Variants in CDYL2 observed in about 807,000 individuals in gnomAD.
The protein encoded by CDYL2 is chromodomain Y like 2.
A neutral mutation model predicts 49.4 loss-of-function variants in CDYL2; 23 were observed. The ratio of observed to expected loss-of-function variants is 0.47; its 90% CI spans 0.34 to 0.66. CDYL2 has a LOEUF of 0.66. CDYL2 is among the 30% of genes least tolerant of loss of function. The pLI is 0.01. For missense variants in CDYL2, 678 were observed against 656.4 expected (o/e 1.03, Z -0.36); for synonymous variants, 360 against 268.8 (o/e 1.34, Z -3.32).
chr16:80,717,803 C>G (rs901129362), intron 1 of CDYL2, among the ~76,000 whole-genome samples: 1 of 152,160 alleles, frequency 6.6e-6, no homozygotes, highest in African/African-American at 2.4e-5. Context: ...AATACTGAAG[C>G]CAGGAGGACT....
At chr16:80,650,355 T>C (rs965627233) in intron 2 of CDYL2, among the ~76,000 whole-genome samples, 4 of 152,194 alleles carry the variant, frequency 2.6e-5, no homozygotes, top group Non-Finnish European at 4.4e-5. Context: ...AACAGGGATA[T>C]GAAAAGGTGC....
chr16:80,793,860 A>C (rs1175540411), intron 1 of CDYL2, among the ~76,000 whole-genome samples: 2 of 152,110 alleles, frequency 1.3e-5, no homozygotes, highest in Non-Finnish European at 2.9e-5. Context: ...TAATAGCAAA[A>C]TTTTTTAATG....
At chr16:80,654,094 C>A (rs1313985101) in intron 2 of CDYL2, among the ~76,000 whole-genome samples, 1 of 152,198 alleles carries the variant, frequency 6.6e-6, no homozygotes, top group African/African-American at 2.4e-5. Flanking sequence ...CCACATCTCA[C>A]GATGACTCTG....
Position 80,684,784 on chromosome 16 carries a change from G to C in CDYL2, c.370C>G (p.Pro124Ala). The change falls in exon 2 of 7, where the codon CCC becomes GCC. Residue 124 changes from proline (P) to alanine (A), a missense_variant. This residue lies in a region of CDYL2 where 478 missense variants were observed against 427.0 expected (regional missense o/e 1.12). Transcript: ENST00000570137. The part of the protein sequence containing the change: ...AKPKKGYSGK[P>A]SSGGDRATKT... ...GTGGCCCTGTCACCTCCTGAAGAGG[G>C]CTTGCCTGAATACCCTTTTTTTGGC... The C allele has an allele frequency of 6.2e-7, 1 of 1,614,210 alleles. No individual in the cohort carries two copies. The highest frequency in any genetic ancestry group is 1.6e-4 in the Middle Eastern group (1 of 6,062).
intron 1 of CDYL2, among the ~76,000 whole-genome samples, chr16:80,706,378 C>T (rs1904404671): frequency 6.6e-6 from 1 of 152,124 alleles, no homozygotes; most frequent in African/African-American, 2.4e-5. Context: ...CTCAAGCTCT[C>T]GGAAACAAGA....
chr16:80,626,491 G>A (rs28484999), intron 3 of CDYL2, among the ~76,000 whole-genome samples: 24,786 of 152,036 alleles, frequency 0.16, 6,521 homozygotes, highest in African/African-American at 0.56. Context: ...GGTGGAGGTA[G>A]TTACTCTTAG....
At chr16:80,676,003 T>C (rs2142459487) in intron 2 of CDYL2, among the ~76,000 whole-genome samples, 1 of 152,268 alleles carries the variant, frequency 6.6e-6, no homozygotes. Context: ...CATCCTCTTC[T>C]GGGCACCAAA....
chr16:80,780,627 G>T (rs1485203288), intron 1 of CDYL2, among the ~76,000 whole-genome samples: 1 of 151,904 alleles, frequency 6.6e-6, no homozygotes, highest in Non-Finnish European at 1.5e-5. Context: ...GGATGGTCTT[G>T]ATCTCCTGAC....
intron 2 of CDYL2, among the ~76,000 whole-genome samples, chr16:80,646,132 A>C (rs1490700474): frequency 6.6e-6 from 1 of 152,106 alleles, no homozygotes; most frequent in Non-Finnish European, 1.5e-5. Flanking sequence ...CCTAGAACTT[A>C]AAGTATAATT....
At chr16:80,678,002 A>C (rs948330503) in intron 2 of CDYL2, among the ~76,000 whole-genome samples, 7 of 151,912 alleles carry the variant, frequency 4.6e-5, no homozygotes, top group South Asian at 2.1e-4. Flanking sequence ...GAAAAACAAG[A>C]AATGGGGAAA....
At chr16:80,754,374 C>G (rs937489207) in intron 1 of CDYL2, among the ~76,000 whole-genome samples, 1 of 152,122 alleles carries the variant, frequency 6.6e-6, no homozygotes, top group Admixed American at 6.5e-5. Context: ...TTGGAACAAA[C>G]AGAGATTAAG....
intron 6 of CDYL2, among the ~76,000 whole-genome samples, chr16:80,607,134 T>C (rs6564768): frequency 0.38 from 57,395 of 151,696 alleles, 11,341 homozygotes; most frequent in African/African-American, 0.46. Context: ...TCAGAAATGC[T>C]CGTGGCCCGC....
In CDYL2 at chr16:80,698,933, G is replaced by A. The variant is rs139493408; in HGVS notation, c.25-13804C>T. Among the ~76,000 whole-genome samples the A allele has an allele frequency of 2.2e-3, 330 of 152,086 alleles. 1 individual carries two copies. Among genetic ancestry groups the A allele is most frequent in the South Asian group, 4.8e-3 (23 of 4,822 alleles). ...AAATGCTCACCATCACTAATCACCA[G>A]GAAAATGCAAATCAAAACCACAATG... On this transcript the variant is annotated intron_variant, in intron 1 of 6. Coordinates refer to ENST00000570137, the MANE Select transcript of CDYL2 (RefSeq NM_152342.4).
intron 3 of CDYL2, among the ~76,000 whole-genome samples, chr16:80,626,115 C>T (rs901353231): frequency 6.7e-6 from 1 of 150,150 alleles, no homozygotes; most frequent in African/African-American, 2.4e-5. Flanking sequence ...CATGATGAAA[C>T]CCCAACTCTC....
chr16:80,641,866 G>T (rs1025914771), intron 2 of CDYL2, among the ~76,000 whole-genome samples: 1 of 151,256 alleles, frequency 6.6e-6, no homozygotes, highest in Non-Finnish European at 1.5e-5. Context: ...CCTGCACATT[G>T]TGCACATGTA....
chr16:80,711,529 G>A (rs1475768834), intron 1 of CDYL2, among the ~76,000 whole-genome samples: 1 of 152,164 alleles, frequency 6.6e-6, no homozygotes. Context: ...CTCTGAACAC[G>A]CAGGATGCAA....
chr16:80,604,571 T>A, intron 6 of CDYL2, 25 bp from the exon 7 acceptor site: 1 of 1,613,572 alleles, frequency 6.2e-7, no homozygotes, highest in Non-Finnish European at 8.5e-7. Flanking sequence ...ACAGGCCTGA[T>A]TAGCCGGGCA....
rs1419234493 is a variant in CDYL2 at position 80,612,987 on chromosome 16, C to A, written c.1008-151G>T. ...AGGGCCTCATTGCCTGGACATGGAA[C>A]CACCAGCTGTCAGATTTTCTGAGGT... On this transcript the variant is annotated intron_variant, in intron 4 of 6. Transcript: ENST00000570137. This position sits in a 1 kb window ranked among gnomAD's most constrained non-coding sequence, Gnocchi z 5.0. 1.5e-6 allele frequency: 1 copy of A among 653,986 alleles called. No homozygotes were observed. Among genetic ancestry groups the A allele is most frequent in the East Asian group, 2.9e-5 (1 of 35,070 alleles). 40.5% of individuals were successfully genotyped at this position (653,986 alleles called of 1,614,324 possible).
intron 1 of CDYL2, among the ~76,000 whole-genome samples, chr16:80,689,873 C>T (rs372351188): frequency 1.3e-5 from 2 of 152,136 alleles, no homozygotes; most frequent in Admixed American, 6.5e-5. Flanking sequence ...GTAATCCCAG[C>T]ACTTTGGGAG....
Sources: allele counts gnomAD v4.1 joint callset (sites outside exome capture counted in the v4.1 genomes callset), GRCh38; gene constraint gnomAD v4.1.1; regional missense constraint gnomAD v4.1.1; non-coding constraint Gnocchi (gnomAD v3.1); transcripts MANE v1.5; gene names NCBI Gene and HGNC (gene_info 2026-07-23, HGNC 2026-07-21).